The following RYR3 variants were observed in gnomAD, a reference collection of about 807,000 sequenced individuals.
The protein encoded by RYR3 is ryanodine receptor 3.
A neutral mutation model predicts 584.3 loss-of-function variants in RYR3; 207 were observed. The observed-to-expected ratio is 0.35, with a 90% CI of 0.32 to 0.40. The LOEUF (loss-of-function observed/expected upper bound fraction) is 0.40, where lower values mean the gene tolerates loss of function less well. RYR3 is among the 10% of genes least tolerant of loss of function. The pLI is 1.00. For synonymous variants in RYR3, 2,416 were observed against 2,248.5 expected (o/e 1.07, Z -2.11); for missense variants, 5,616 against 6,089.2 (o/e 0.92, Z 2.59).
chr15:33,797,099 C>T (rs1213473205), intron 67 of RYR3, among the ~76,000 whole-genome samples: 3 of 152,062 alleles, frequency 2.0e-5, no homozygotes, highest in African/African-American at 7.2e-5. Flanking sequence ...ATTGGAGATT[C>T]GGAAGGGTTG....
chr15:33,540,938 G>T, intron 7 of RYR3, 48 bp downstream of exon 7: 1 of 1,212,318 alleles, frequency 8.2e-7, no homozygotes, highest in South Asian at 1.2e-5. Flanking sequence ...TATCTCTCTT[G>T]AGCTGTATAC....
chr15:33,444,902 TAA>T (rs562364499), intron 1 of RYR3, among the ~76,000 whole-genome samples: 13 of 133,474 alleles, frequency 9.7e-5, no homozygotes, highest in African/African-American at 2.4e-4. Flanking sequence ...ACTTAAAGTA[TAA>T]AAAAAAAAAA....
intron 1 of RYR3, among the ~76,000 whole-genome samples, chr15:33,356,984 T>A (rs568680070): frequency 1.1e-4 from 17 of 152,176 alleles, no homozygotes; most frequent in Non-Finnish European, 2.4e-4. Flanking sequence ...TGGTGACTCA[T>A]GCTCTGTTCT....
At chr15:33,845,321 C>T (rs149692877) in intron 93 of RYR3, among the ~76,000 whole-genome samples, 66 of 152,236 alleles carry the variant, frequency 4.3e-4, no homozygotes, top group African/African-American at 1.4e-3. Flanking sequence ...GGTGCAAGCT[C>T]GGCTCACTGC....
At chr15:33,449,113 C>T (rs183137095) in intron 1 of RYR3, among the ~76,000 whole-genome samples, 17 of 152,296 alleles carry the variant, frequency 1.1e-4, no homozygotes, top group Admixed American at 1.0e-3. Context: ...ACCTCAGTTC[C>T]TGTAGGCTTG....
At chr15:33,406,872 C>A (rs1291631379) in intron 1 of RYR3, among the ~76,000 whole-genome samples, 1 of 151,134 alleles carries the variant, frequency 6.6e-6, no homozygotes, top group Non-Finnish European at 1.5e-5. Flanking sequence ...CAGATATATA[C>A]AAGAAAGGGG....
chr15:33,799,934 T>TTTG (rs112674398), intron 67 of RYR3, among the ~76,000 whole-genome samples: 5 of 151,472 alleles, frequency 3.3e-5, no homozygotes, highest in African/African-American at 7.3e-5. Flanking sequence ...AGTGGGGGTT[T>TTTG]TTTGTTTGTT....
chr15:33,758,883 A>C (rs1186210708), intron 60 of RYR3, among the ~76,000 whole-genome samples: 1 of 152,302 alleles, frequency 6.6e-6, no homozygotes, highest in East Asian at 1.9e-4. Flanking sequence ...CAGACACCTC[A>C]TAGAGGAGAG....
At position 33,544,268 on chromosome 15, in the gene RYR3, G is replaced by GT. The variant is rs943845205; in HGVS notation, c.740+561dup. ...CCAAGTCTTAAACGCATACTAAAGA[G>GT]TTTTTTTTGGGTATTCTATCATCAA... On this transcript the variant is annotated intron_variant, in intron 8 of 103. Transcript: ENST00000634891. 1.5e-4 allele frequency among the ~76,000 whole-genome samples: 23 copies of GT among 151,682 alleles called. 1 individual carries two copies. The highest frequency in any genetic ancestry group is 4.2e-4 in the South Asian group (2 of 4,798).
At chr15:33,601,344 C>A in intron 16 of RYR3, 75 bp from the exon 17 acceptor site, 1 of 1,478,460 alleles carries the variant, frequency 6.8e-7, no homozygotes, top group African/African-American at 1.4e-5. Context: ...GACTCCTTCC[C>A]TCATGCATTG....
Position 33,736,260 on chromosome 15 carries a change from C to G in RYR3, c.7450C>G (p.Gln2484Glu). 6.2e-7 allele frequency: 1 copy of G among 1,612,872 alleles called. No homozygotes were observed. Among genetic ancestry groups the G allele is most frequent in the Non-Finnish European group, 8.5e-7 (1 of 1,179,250 alleles). Residue 2484 changes from glutamine (Q) to glutamate (E), a missense_variant, in exon 49 of 104, where the codon CAA (glutamine) becomes GAA (glutamate). Physicochemically the swap from Gln to Glu is conservative, Grantham distance 29. Coordinates refer to ENST00000634891, the MANE Select transcript of RYR3 (RefSeq NM_001036.6). ...TCACTTGAGGCCTTCCATGTTACAG[C>G]AACTCCTGCGACGCCTCGTTTTTGA... ...CNHLRPSMLQ[Q>E]LLRRLVFDVP...
At position 33,657,701 on chromosome 15, in the gene RYR3, A is replaced by G. The variant is rs77714094; in HGVS notation, c.4309-2019A>G. ...CTTATTTCAGGCAGAGGCAGGCAGT[A>G]CTAGCAGTCTACTCCAACATTTTGG... is the stretch of plus-strand genomic sequence containing the variant. On this transcript the variant is annotated intron_variant, in intron 32 of 103. Coordinates refer to ENST00000634891, the MANE Select transcript of RYR3 (RefSeq NM_001036.6). Among the ~76,000 whole-genome samples the G allele has an allele frequency of 9.7e-3, 1,481 of 152,346 alleles. 13 individuals are homozygous for G. The highest frequency in any genetic ancestry group is 0.031 in the South Asian group (149 of 4,826).
intron 1 of RYR3, among the ~76,000 whole-genome samples, chr15:33,319,679 C>T (rs532707016): frequency 7.9e-5 from 12 of 152,314 alleles, no homozygotes; most frequent in African/African-American, 2.6e-4. Context: ...TTCCCAGGTC[C>T]TAGTTCAACC....
intron 19 of RYR3, among the ~76,000 whole-genome samples, chr15:33,619,275 T>C (rs1340654408): frequency 6.6e-6 from 1 of 152,182 alleles, no homozygotes; most frequent in African/African-American, 2.4e-5. Context: ...TAGAGAAAAA[T>C]CTGAGGATAA....
At chr15:33,511,067 C>T (rs2052940207) in intron 3 of RYR3, among the ~76,000 whole-genome samples, 1 of 151,938 alleles carries the variant, frequency 6.6e-6, no homozygotes, top group Non-Finnish European at 1.5e-5. Context: ...TAATTGATTG[C>T]AATTCTATGA....
chr15:33,846,554 A>G (rs2152989830), intron 93 of RYR3, among the ~76,000 whole-genome samples: 1 of 152,222 alleles, frequency 6.6e-6, no homozygotes, highest in East Asian at 1.9e-4. Flanking sequence ...ACAGCAAGCC[A>G]TCTTCTTCCC....
intron 17 of RYR3, 116 bp downstream of exon 17, chr15:33,601,668 A>G (rs2152552019): frequency 1.9e-6 from 2 of 1,059,090 alleles, no homozygotes; most frequent in Non-Finnish European, 2.8e-6. Context: ...TTCCATGGTG[A>G]TACAAGTACA....
chr15:33,337,023 C>G (rs1024114139), intron 1 of RYR3, among the ~76,000 whole-genome samples: 4 of 132,778 alleles, frequency 3.0e-5, no homozygotes, highest in African/African-American at 5.8e-5. Context: ...TGCCGCTGCA[C>G]TCCAGCCTGG....
At chr15:33,611,247 C>T (rs988573260) in intron 18 of RYR3, among the ~76,000 whole-genome samples, 1 of 151,862 alleles carries the variant, frequency 6.6e-6, no homozygotes, top group African/African-American at 2.4e-5. Flanking sequence ...CTACTATACC[C>T]CAGTTTGAAT....
Sources: gnomAD v4.1 joint callset for allele counts (sites outside exome capture counted in the v4.1 genomes callset) on GRCh38, gnomAD v4.1.1 for gene constraint, MANE v1.5 for transcripts, NCBI Gene and HGNC (gene_info 2026-07-23, HGNC 2026-07-21) for gene names.